Variants in NAP1L1 observed in about 807,000 individuals in gnomAD.
NAP1L1 encodes the protein nucleosome assembly protein 1 like 1.
Under a neutral mutation model 58.9 loss-of-function variants are expected in NAP1L1, and 9 were observed. That is an observed-to-expected ratio of 0.15 (90% CI 0.09 to 0.27). The LOEUF (loss-of-function observed/expected upper bound fraction) is 0.27, where lower values mean the gene tolerates loss of function less well. Among genes scored for constraint, NAP1L1 ranks in the 10% least tolerant of loss-of-function variants. NAP1L1 has a pLI of 1.00. For missense variants in NAP1L1, 302 were observed against 458.8 expected, an observed-to-expected ratio of 0.66 and a Z score of 3.12; for synonymous variants, 130 against 138.3, an observed-to-expected ratio of 0.94 and a Z score of 0.42.
Position 76,069,695 on chromosome 12 carries a change from C to T in NAP1L1, c.18-701G>A, listed in dbSNP as rs78634133. ...TTGGAGTTTCCTTTTCTTTACTTCA[C>T]AGTGGAGGTGAGAAAGAATAAAGTG... On this transcript the variant is annotated intron_variant, in intron 2 of 14. Coordinates refer to ENST00000618691, the MANE Select transcript of NAP1L1 (RefSeq NM_004537.7). Among the ~76,000 whole-genome samples, 1,158 of 152,188 alleles carry T rather than the reference C, an allele frequency of 7.6e-3. 9 individuals are homozygous for T. The highest frequency in any genetic ancestry group is 0.017 in the South Asian group (80 of 4,820).
chr12:76,063,605 C>T (rs1949516864), intron 4 of NAP1L1, among the ~76,000 whole-genome samples: 1 of 152,030 alleles, frequency 6.6e-6, no homozygotes, highest in African/African-American at 2.4e-5. Flanking sequence ...CGAGACTAGC[C>T]CAGGCAACAT....
intron 4 of NAP1L1, among the ~76,000 whole-genome samples, chr12:76,062,953 G>C (rs1330916650): frequency 6.6e-6 from 1 of 151,910 alleles, no homozygotes; most frequent in Admixed American, 6.6e-5. Context: ...ACTAACAACA[G>C]GCATTAAAAG....
At chr12:76,082,728 G>A (rs1461247760) in intron 1 of NAP1L1, among the ~76,000 whole-genome samples, 1 of 152,114 alleles carries the variant, frequency 6.6e-6, no homozygotes, top group African/African-American at 2.4e-5. Context: ...GAAAATAACT[G>A]TAAAAGTCAT....
intron 6 of NAP1L1, chr12:76,057,132 CA>C (rs796864035): frequency 1.1e-4 from 20 of 183,880 alleles, no homozygotes; most frequent in East Asian, 1.5e-4. Context: ...TCTGCCTCTA[CA>C]AAAAAAAGTA....
Position 76,055,106 on chromosome 12 carries a change from A to T in NAP1L1, c.559-16T>A. On this transcript the variant is annotated splice_polypyrimidine_tract_variant and intron_variant, in intron 7 of 14. Coordinates refer to ENST00000618691, the MANE Select transcript of NAP1L1 (RefSeq NM_004537.7). ...CATCGTGTTCCTTCAAATTAAAAAA[A>T]TAATAAAAATGAATAACATGGCATT... is the stretch of plus-strand genomic sequence containing the variant. 1 of 1,555,350 alleles carries T rather than the reference A, an allele frequency of 6.4e-7. No homozygotes were observed. Among genetic ancestry groups the T allele is most frequent in the Non-Finnish European group, 8.7e-7 (1 of 1,142,900 alleles).
Position 76,040,163 on chromosome 12 carries a change from T to A in NAP1L1, c.*8266A>T, listed in dbSNP as rs191762078. On this transcript the variant is annotated 3_prime_UTR_variant, in exon 15 of 15. Coordinates refer to ENST00000618691, the MANE Select transcript of NAP1L1 (RefSeq NM_004537.7). ...TTTCTCCCTGAACAGGCATACAATA[T>A]GTAATTTAAGCTTTGATGTCTTTGG... 9 of 152,272 alleles carry A rather than the reference T, an allele frequency of 5.9e-5. No individual in the cohort carries two copies. The East Asian group carries it at 1.7e-3, about 29-fold the overall frequency. The allele number at this position is 152,272 out of a possible 1,614,324, so 9.4% of individuals were successfully genotyped here.
chr12:76,059,776 C>A, intron 6 of NAP1L1, 22 bp downstream of exon 6: 1 of 1,523,978 alleles, frequency 6.6e-7, no homozygotes, highest in South Asian at 1.2e-5. Context: ...TAAAAACATA[C>A]CAAAATAAAG....
At position 76,047,713 on chromosome 12, in the gene NAP1L1, T is replaced by C. The variant is rs923425073; in HGVS notation, c.*716A>G. 2 of 152,130 alleles carry C rather than the reference T, an allele frequency of 1.3e-5. No homozygotes were observed. Among genetic ancestry groups the C allele is most frequent in the East Asian group, 3.9e-4 (2 of 5,184 alleles). The allele number at this position is 152,130 out of a possible 1,614,324, so 9.4% of individuals were successfully genotyped here. ...TCATCCTTTCCAGGGAAGCAGAAGG[T>C]AGACCCTACCACAAAGAAAAGATGC... On this transcript the variant is annotated 3_prime_UTR_variant, in exon 15 of 15. Transcript: ENST00000618691.
intron 11 of NAP1L1, among the ~76,000 whole-genome samples, chr12:76,052,183 A>G (rs1948872025): frequency 6.6e-6 from 1 of 152,122 alleles, no homozygotes; most frequent in African/African-American, 2.4e-5. Flanking sequence ...GTGGGGAGGA[A>G]TTCAAACCAC....
intron 1 of NAP1L1, among the ~76,000 whole-genome samples, chr12:76,082,868 G>T (rs562234227): frequency 1.3e-5 from 2 of 152,288 alleles, no homozygotes; most frequent in East Asian, 3.9e-4. Context: ...AGAGGACCCA[G>T]ATACTCGTTT....
intron 2 of NAP1L1, 43 bp from the exon 3 acceptor site, chr12:76,069,037 T>C: frequency 7.2e-7 from 1 of 1,385,458 alleles, no homozygotes; most frequent in South Asian, 1.3e-5. Context: ...ATGTACCAAT[T>C]ACCAAAAAAA....
intron 11 of NAP1L1, among the ~76,000 whole-genome samples, chr12:76,051,190 A>G (rs766150144): frequency 1.3e-5 from 2 of 152,168 alleles, no homozygotes; most frequent in Non-Finnish European, 2.9e-5. Context: ...GCAGGCCAGT[A>G]TGCATACTAA....
At position 76,044,016 on chromosome 12, in the gene NAP1L1, G is replaced by A. The variant is rs1474184398; in HGVS notation, c.*4413C>T. 6.6e-6 allele frequency: 1 copy of A among 152,168 alleles called. No individual in the cohort carries two copies. The highest frequency in any genetic ancestry group is 6.5e-5 in the Admixed American group (1 of 15,268). 9.4% of individuals were successfully genotyped at this position (152,168 alleles called of 1,614,324 possible). A position where few individuals can be genotyped will look rare whatever the true frequency, so the allele number is the denominator to read the frequency against. ...ATGTAAGAAACTGGCTGGGCGTGGT[G>A]GCTCATGCTTGTAATCCCAGCACTT... On this transcript the variant is annotated 3_prime_UTR_variant, in exon 15 of 15. Coordinates refer to ENST00000618691, the MANE Select transcript of NAP1L1 (RefSeq NM_004537.7).
rs957414742 is a variant in NAP1L1, at chr12:76,049,073, C to T, written c.1140+127G>A. ...CACAATGCCAGTGGGACTGAAAAAA[C>T]AAAGTTATCCAGTCAATAGGCTTTA... On this transcript the variant is annotated intron_variant, in intron 14 of 14. Coordinates refer to ENST00000618691, the MANE Select transcript of NAP1L1 (RefSeq NM_004537.7). 1.4e-5 allele frequency: 13 copies of T among 919,684 alleles called. No homozygotes were observed. The Middle Eastern group carries it at 1.4e-3, about 97-fold the overall frequency. The allele number at this position is 919,684 out of a possible 1,614,324, so 57.0% of individuals were successfully genotyped here. A position where few individuals can be genotyped will look rare whatever the true frequency, so the allele number is the denominator to read the frequency against.
intron 2 of NAP1L1, chr12:76,073,992 T>C (rs1461434232): frequency 8.5e-6 from 4 of 468,090 alleles, no homozygotes; most frequent in East Asian, 3.6e-5. Context: ...GTTTAGTATA[T>C]ACGATGGTTT....
chr12:76,045,042 A>C lies in NAP1L1; in HGVS notation c.*3387T>G, dbSNP rs1050332743. The C allele has an allele frequency of 7.9e-5, 12 of 152,272 alleles. No homozygotes were observed. Among genetic ancestry groups the C allele is most frequent in the African/African-American group, 2.9e-4 (12 of 41,578 alleles). The allele number at this position is 152,272 out of a possible 1,614,324, so 9.4% of individuals were successfully genotyped here. ...GTATCAGAGACTTAGTGCTTTAAGT[A>C]GCAAATTACCTAAATTATGAACACA... On this transcript the variant is annotated 3_prime_UTR_variant, in exon 15 of 15. Coordinates refer to ENST00000618691, the MANE Select transcript of NAP1L1 (RefSeq NM_004537.7).
chr12:76,076,948 T>G (rs910469372), intron 1 of NAP1L1, among the ~76,000 whole-genome samples: 2 of 152,198 alleles, frequency 1.3e-5, no homozygotes, highest in African/African-American at 2.4e-5. Context: ...ATGTGGTGCA[T>G]GACTGCATTT....
intron 4 of NAP1L1, chr12:76,061,045 T>C (rs776429169): frequency 4.3e-5 from 19 of 445,722 alleles, no homozygotes; most frequent in South Asian, 1.7e-4. Flanking sequence ...TTGAGCAAGA[T>C]TGCACCACCA....
intron 11 of NAP1L1, among the ~76,000 whole-genome samples, chr12:76,051,995 CAG>C (rs1948856719): frequency 6.6e-6 from 1 of 151,544 alleles, no homozygotes; most frequent in South Asian, 2.1e-4. Flanking sequence ...GCCTGGATGA[CAG>C]AGCAATACTT....
Sources: allele counts gnomAD v4.1 joint callset (sites outside exome capture counted in the v4.1 genomes callset), GRCh38; gene constraint gnomAD v4.1.1; transcripts MANE v1.5; gene names NCBI Gene and HGNC (gene_info 2026-07-23, HGNC 2026-07-21).